The following FNDC1 variants were observed in gnomAD, a reference collection of about 807,000 sequenced individuals.
FNDC1 encodes fibronectin type III domain containing 1, also known as fibronectin type III domain-containing protein 1.
A neutral mutation model predicts 168.0 loss-of-function variants in FNDC1; 96 were observed. That is an observed-to-expected ratio of 0.57 (90% CI 0.48 to 0.68). FNDC1 has a LOEUF of 0.68. Among genes scored for constraint, FNDC1 ranks in the 30% least tolerant of loss-of-function variants. The probability of loss-of-function intolerance (pLI) is 0.00; values close to 1 mark genes in which losing one functional copy is unlikely to be tolerated. For missense variants in FNDC1, 2,587 were observed against 2,482.1 expected (o/e 1.04, Z -0.90); for synonymous variants, 1,099 against 1,025.9 (o/e 1.07, Z -1.36).
intron 5 of FNDC1, among the ~76,000 whole-genome samples, chr6:159,216,174 C>T (rs1782705577): frequency 1.3e-5 from 2 of 152,178 alleles, no homozygotes; most frequent in South Asian, 4.1e-4. Flanking sequence ...GTTGGCCAGG[C>T]TGGTCTCGAA....
At chr6:159,180,116 T>C (rs1781849569) in intron 1 of FNDC1, among the ~76,000 whole-genome samples, 1 of 152,220 alleles carries the variant, frequency 6.6e-6, no homozygotes, top group Non-Finnish European at 1.5e-5. Flanking sequence ...GCTCCGGAGC[T>C]GGAAGTCTGG....
intron 13 of FNDC1, among the ~76,000 whole-genome samples, chr6:159,239,291 C>T (rs1177267922): frequency 6.6e-6 from 1 of 152,144 alleles, no homozygotes. Context: ...ACACTTTTCC[C>T]CCTTAGGCAT....
intron 1 of FNDC1, among the ~76,000 whole-genome samples, chr6:159,194,911 C>T (rs189902306): frequency 5.9e-5 from 9 of 152,014 alleles, no homozygotes; most frequent in Admixed American, 3.3e-4. Context: ...TAGGCATGGA[C>T]GAGTTAGGCA....
intron 3 of FNDC1, 137 bp downstream of exon 3, chr6:159,200,219 C>T (rs759318365): frequency 2.4e-5 from 17 of 694,350 alleles, no homozygotes; most frequent in Non-Finnish European, 3.9e-5. Context: ...ACTTGTATAG[C>T]AAGCTGACAG....
intron 1 of FNDC1, among the ~76,000 whole-genome samples, chr6:159,184,207 T>G (rs189426609): frequency 9.3e-4 from 142 of 152,376 alleles, no homozygotes; most frequent in African/African-American, 3.1e-3. Context: ...TTTAAATCAC[T>G]TCTATATTGC....
chr6:159,271,891 T>C lies in FNDC1; in HGVS notation c.*449T>C, dbSNP rs1041046056. On this transcript the variant is annotated 3_prime_UTR_variant, in exon 23 of 23. Coordinates refer to ENST00000297267, the MANE Select transcript of FNDC1 (RefSeq NM_032532.3). ...TGAATTTAAGCTTCAGGTCCCTTTG[T>C]ATGCAGTAGAAAGGAATTATTAAAA... is the stretch of plus-strand genomic sequence containing the variant. 6.4e-6 allele frequency: 1 copy of C among 155,172 alleles called. No homozygotes were observed. The highest frequency in any genetic ancestry group is 2.4e-5 in the African/African-American group (1 of 41,482). 9.6% of individuals were successfully genotyped at this position (155,172 alleles called of 1,614,324 possible). A position where few individuals can be genotyped will look rare whatever the true frequency, so the allele number is the denominator to read the frequency against.
chr6:159,188,670 G>T (rs112651604), intron 1 of FNDC1, among the ~76,000 whole-genome samples: 1 of 151,638 alleles, frequency 6.6e-6, no homozygotes, highest in Non-Finnish European at 1.5e-5. Context: ...GAGCCACTGC[G>T]CCCGGCCGCC....
intron 18 of FNDC1, among the ~76,000 whole-genome samples, chr6:159,258,608 C>T (rs548171275): frequency 5.9e-5 from 9 of 152,308 alleles, no homozygotes; most frequent in African/African-American, 1.9e-4. Flanking sequence ...GCCCCACACA[C>T]GCTCAGTGCC....
chr6:159,239,366 A>C (rs1041189262), intron 13 of FNDC1, 151 bp from the exon 14 acceptor site: 16 of 646,248 alleles, frequency 2.5e-5, no homozygotes, highest in Middle Eastern at 7.4e-4. Context: ...AGGATCGTGG[A>C]GCATACTGAT....
In FNDC1 at chr6:159,246,965, T is replaced by C. The variant is rs1262319485; in HGVS notation, c.4686T>C (p.Asp1562=). The C allele has an allele frequency of 1.9e-6, 3 of 1,608,612 alleles. No individual in the cohort carries two copies. Among genetic ancestry groups the C allele is most frequent in the African/African-American group, 1.3e-5 (1 of 74,860 alleles). ...CGGAAGAGGCCTACGTTATATATGA[T>C]GAAGGTACAAACTGGCTTTTGAAAA... is the stretch of plus-strand genomic sequence containing the variant. ...VPTEEAYVIY[D]EDYEFETSRP... is the part of the protein sequence containing the mutation. The change falls in exon 15 of 23, where the codon GAT becomes GAC. Residue 1562 remains aspartate, a synonymous_variant. Coordinates refer to ENST00000297267, the MANE Select transcript of FNDC1 (RefSeq NM_032532.3).
rs1359388990 is a variant in FNDC1 at position 159,265,020 on chromosome 6, T to A, written c.5284+16T>A. On this transcript the variant is annotated intron_variant, in intron 20 of 22. Coordinates refer to ENST00000297267, the MANE Select transcript of FNDC1 (RefSeq NM_032532.3). ...AGGCCCCCAGGTAAGTTTATGTTCTTGATAATCTGGACATTCTGGTAATCA... is the reference window on the plus strand; with the variant it reads ...AGGCCCCCAGGTAAGTTTATGTTCTAGATAATCTGGACATTCTGGTAATCA... The A allele has an allele frequency of 1.3e-6, 2 of 1,597,048 alleles. No homozygotes were observed. Among genetic ancestry groups the A allele is most frequent in the Middle Eastern group, 1.7e-4 (1 of 6,030 alleles).
Position 159,233,174 on chromosome 6 carries a change from A to G in FNDC1, c.2662A>G (p.Thr888Ala). ...GGAGGATGAGAAGCCGCTTCCTGCC[A>G]CCGTTGTCAATGACCACGTGCCTTC... ...DEEDEKPLPA[T>A]VVNDHVPSSS... is the part of the protein sequence containing the mutation. Residue 888 changes from threonine (T) to alanine (A), a missense_variant, in exon 11 of 23, where the codon ACC (threonine) becomes GCC (alanine). By Grantham distance (58) the Thr-to-Ala change is moderately conservative (BLOSUM62 0). Transcript: ENST00000297267. The surrounding 1 kb of genome is among the most constrained non-coding windows in gnomAD (Gnocchi z 4.6). The G allele has an allele frequency of 6.2e-7, 1 of 1,609,920 alleles. No individual in the cohort carries two copies. Among genetic ancestry groups the G allele is most frequent in the Non-Finnish European group, 8.5e-7 (1 of 1,178,382 alleles).
intron 21 of FNDC1, among the ~76,000 whole-genome samples, chr6:159,266,717 A>G (rs2115033037): frequency 6.7e-6 from 1 of 150,272 alleles, no homozygotes; most frequent in South Asian, 2.1e-4. Context: ...TACAATAATA[A>G]TGAGTACGAG....
rs1357125398 is a variant in FNDC1, at chr6:159,233,721, A to G, written c.3209A>G (p.Asn1070Ser). Residue 1070 changes from asparagine (N) to serine (S), a missense_variant, in exon 11 of 23, where the codon AAC becomes AGC. By Grantham distance (46) the Asn-to-Ser change is conservative (BLOSUM62 1). Coordinates refer to ENST00000297267, the MANE Select transcript of FNDC1 (RefSeq NM_032532.3). This position sits in a 1 kb window ranked among gnomAD's most constrained non-coding sequence, Gnocchi z 4.6. ...SRGMLPTALQNQDEDAQGSYD... is the reference protein window; with the variant it reads ...SRGMLPTALQSQDEDAQGSYD... ...GGGATGCTCCCCACGGCCCTCCAGAACCAGGACGAGGATGCCCAGGGCAGC... is the reference window on the plus strand; with the variant it reads ...GGGATGCTCCCCACGGCCCTCCAGAGCCAGGACGAGGATGCCCAGGGCAGC... 1.3e-6 allele frequency: 2 copies of G among 1,549,930 alleles called. No individual in the cohort carries two copies. Among genetic ancestry groups the G allele is most frequent in the Admixed American group, 2.0e-5 (1 of 50,996 alleles).
rs773943155 is a variant in FNDC1 at position 159,256,629 on chromosome 6, G to C, written c.5172G>C (p.Thr1724=). 3.7e-6 allele frequency: 6 copies of C among 1,600,188 alleles called. No homozygotes were observed. Among genetic ancestry groups the C allele is most frequent in the Non-Finnish European group, 5.1e-6 (6 of 1,167,562 alleles). ...HLPIENLKPN[T]RYYFKVQAQN... is the part of the protein sequence containing the mutation. ...CCATTGAGAACCTAAAGCCCAACACGAGGTACGATGTGTCAGTCATTTAGA... is the reference window on the plus strand; with the variant it reads ...CCATTGAGAACCTAAAGCCCAACACCAGGTACGATGTGTCAGTCATTTAGA... Residue 1724 remains threonine, a splice_region_variant and synonymous_variant, in exon 18 of 23, where the codon ACG becomes ACC. Transcript: ENST00000297267.
intron 18 of FNDC1, among the ~76,000 whole-genome samples, chr6:159,258,616 G>A (rs780068812): frequency 3.9e-5 from 6 of 152,208 alleles, no homozygotes; most frequent in Non-Finnish European, 8.8e-5. Flanking sequence ...CACGCTCAGT[G>A]CCTTGAGGCA....
chr6:159,213,352 C>G (rs868860806), intron 4 of FNDC1, among the ~76,000 whole-genome samples: 5 of 152,218 alleles, frequency 3.3e-5, no homozygotes, highest in African/African-American at 1.2e-4. Context: ...TGGAACTTCA[C>G]TCCTGACTCC....
At chr6:159,246,646 G>A (rs541785006) in intron 14 of FNDC1, among the ~76,000 whole-genome samples, 68 of 152,346 alleles carry the variant, frequency 4.5e-4, no homozygotes, top group African/African-American at 1.5e-3. Context: ...GTCTGGGAAC[G>A]TGGAGTGGGG....
Position 159,232,103 on chromosome 6 carries a change from G to T in FNDC1, c.1591G>T (p.Glu531Ter), listed in dbSNP as rs1239812284. ...ACCCCAGCTTCGCGCCAAGAAGGCA[G>T]AGGAGCTGGATCTTCAGTCGACAGA... ...RKPQLRAKKA[E>*]ELDLQSTEIT... The change falls in exon 11 of 23, where the codon GAG becomes TAG. Residue 531 changes from glutamate (E) to a stop codon, truncating the protein, a stop_gained. Coordinates refer to ENST00000297267, the MANE Select transcript of FNDC1 (RefSeq NM_032532.3). LOFTEE classifies it high-confidence loss of function. The surrounding 1 kb of genome is among the most constrained non-coding windows in gnomAD (Gnocchi z 4.9). 6.2e-7 allele frequency: 1 copy of T among 1,613,930 alleles called. No homozygotes were observed. Among genetic ancestry groups the T allele is most frequent in the Non-Finnish European group, 8.5e-7 (1 of 1,179,844 alleles).
Sources: gnomAD v4.1 joint callset for allele counts (sites outside exome capture counted in the v4.1 genomes callset) on GRCh38, gnomAD v4.1.1 for gene constraint, Gnocchi (gnomAD v3.1) non-coding constraint, MANE v1.5 for transcripts, NCBI Gene and HGNC (gene_info 2026-07-23, HGNC 2026-07-21) for gene names.